ATP6V0D2: variants seen among roughly 807,000 people sequenced by gnomAD.
ATP6V0D2 encodes V-type proton ATPase subunit d 2.
ATP6V0D2 carries 40 observed loss-of-function variants against 40.0 expected under a neutral mutation model. The ratio of observed to expected loss-of-function variants is 1.00; its 90% CI spans 0.78 to 1.30. The LOEUF (loss-of-function observed/expected upper bound fraction) is 1.30, where lower values mean the gene tolerates loss of function less well. ATP6V0D2 is among the 50% of genes most tolerant of loss of function. The pLI is 0.00. For missense variants in ATP6V0D2, 470 were observed against 423.1 expected, an observed-to-expected ratio of 1.11 and a Z score of -0.97; for synonymous variants, 179 against 156.3, an observed-to-expected ratio of 1.15 and a Z score of -1.08.
chr8:86,127,406 C>A (rs1818758992), intron 2 of ATP6V0D2, among the ~76,000 whole-genome samples: 1 of 151,950 alleles, frequency 6.6e-6, no homozygotes, highest in Non-Finnish European at 1.5e-5. Flanking sequence ...ATGAAAGGTG[C>A]CTTTCACACA....
intron 2 of ATP6V0D2, among the ~76,000 whole-genome samples, chr8:86,117,327 G>A (rs1419574703): frequency 6.6e-6 from 1 of 152,098 alleles, no homozygotes; most frequent in Non-Finnish European, 1.5e-5. Flanking sequence ...TGTTACACAT[G>A]TTGCTTCATT....
intron 1 of ATP6V0D2, among the ~76,000 whole-genome samples, chr8:86,110,517 A>G (rs903589497): frequency 6.6e-6 from 1 of 152,230 alleles, no homozygotes; most frequent in Non-Finnish European, 1.5e-5. Context: ...AAGACACAGC[A>G]ACAAAGCTGT....
At chr8:86,107,684 T>G (rs1194631285) in intron 1 of ATP6V0D2, among the ~76,000 whole-genome samples, 2 of 152,186 alleles carry the variant, frequency 1.3e-5, no homozygotes, top group African/African-American at 4.8e-5. Context: ...CCAAAACAAT[T>G]CTTAGGAAAG....
chr8:86,101,891 C>A (rs993911265), intron 1 of ATP6V0D2, among the ~76,000 whole-genome samples: 6 of 152,192 alleles, frequency 3.9e-5, no homozygotes, highest in African/African-American at 1.4e-4. Context: ...ACATTTGAAT[C>A]TGTGTGCCAA....
At chr8:86,134,943 A>G (rs546687222) in intron 2 of ATP6V0D2, among the ~76,000 whole-genome samples, 1 of 149,910 alleles carries the variant, frequency 6.7e-6, no homozygotes, top group East Asian at 2.1e-4. Flanking sequence ...AATGTCACAT[A>G]TTATCTGCTG....
At position 86,108,845 on chromosome 8, in the gene ATP6V0D2, C is replaced by T. The variant is rs540198379; in HGVS notation, c.131-4864C>T. 4.1e-4 allele frequency among the ~76,000 whole-genome samples: 63 copies of T among 152,300 alleles called. No homozygotes were observed. The Middle Eastern group carries it at 0.01, about 25-fold the overall frequency. ...GATAATTCCCTTCATGCAGTGACCA[C>T]AACCCACAGAAAACGCATGTTTATA... On this transcript the variant is annotated intron_variant, in intron 1 of 7. Coordinates refer to ENST00000285393, the MANE Select transcript of ATP6V0D2 (RefSeq NM_152565.1).
Position 86,152,963 on chromosome 8 carries a change from A to G in ATP6V0D2, c.1039A>G (p.Ile347Val). ...GCATCGAACTAAAATCAACAGTTACATTCCAATTTTATAACCCAAGTAAGG... is the reference window on the plus strand; with the variant it reads ...GCATCGAACTAAAATCAACAGTTACGTTCCAATTTTATAACCCAAGTAAGG... ...QRHRTKINSY[I>V]PIL The change falls in exon 8 of 8, where the codon ATT becomes GTT. Residue 347 changes from isoleucine to valine, a missense_variant. Ile to Val is a conservative substitution (Grantham distance 29, BLOSUM62 3). Coordinates refer to ENST00000285393, the MANE Select transcript of ATP6V0D2 (RefSeq NM_152565.1). 1.2e-6 allele frequency: 2 copies of G among 1,601,084 alleles called. No homozygotes were observed. Among genetic ancestry groups the G allele is most frequent in the Non-Finnish European group, 1.7e-6 (2 of 1,175,796 alleles).
At chr8:86,105,892 A>G (rs1233768065) in intron 1 of ATP6V0D2, among the ~76,000 whole-genome samples, 1 of 151,576 alleles carries the variant, frequency 6.6e-6, no homozygotes, top group Non-Finnish European at 1.5e-5. Flanking sequence ...GGGATTATAG[A>G]CGTGAGCCAC....
chr8:86,105,401 C>T (rs901978631), intron 1 of ATP6V0D2, among the ~76,000 whole-genome samples: 1 of 151,894 alleles, frequency 6.6e-6, no homozygotes, highest in Admixed American at 6.6e-5. Context: ...CGGACTTAAG[C>T]GACCCTCCCA....
chr8:86,139,985 A>G (rs1402013718), intron 3 of ATP6V0D2, among the ~76,000 whole-genome samples: 1 of 152,204 alleles, frequency 6.6e-6, no homozygotes, highest in East Asian at 1.9e-4. Flanking sequence ...TCATTCTTCA[A>G]AAAAAATGTA....
intron 2 of ATP6V0D2, among the ~76,000 whole-genome samples, chr8:86,118,078 TTTC>T (rs1479968993): frequency 1.8e-4 from 20 of 108,824 alleles, no homozygotes; most frequent in African/African-American, 7.5e-4. Flanking sequence ...TCCTTCTTTC[TTTC>T]TTTCTTTTTT....
chr8:86,141,115 A>C (rs1818965201), intron 3 of ATP6V0D2, among the ~76,000 whole-genome samples: 1 of 152,158 alleles, frequency 6.6e-6, no homozygotes, highest in South Asian at 2.1e-4. Flanking sequence ...TAATGCAAAC[A>C]GTGGGGAGCA....
chr8:86,128,388 G>T (rs998770647), intron 2 of ATP6V0D2, among the ~76,000 whole-genome samples: 1 of 152,126 alleles, frequency 6.6e-6, no homozygotes, highest in South Asian at 2.1e-4. Flanking sequence ...CAATAAAAGG[G>T]ATGTAGCTCC....
intron 5 of ATP6V0D2, among the ~76,000 whole-genome samples, chr8:86,146,882 T>C (rs1563566805): frequency 6.6e-6 from 1 of 152,160 alleles, no homozygotes; most frequent in Non-Finnish European, 1.5e-5. Context: ...GTTTATAGGT[T>C]CCATGTATAT....
At chr8:86,112,577 C>A (rs1204080826) in intron 1 of ATP6V0D2, among the ~76,000 whole-genome samples, 1 of 152,006 alleles carries the variant, frequency 6.6e-6, no homozygotes, top group East Asian at 1.9e-4. Context: ...CTAATAAGCA[C>A]TCAATCACTG....
intron 5 of ATP6V0D2, among the ~76,000 whole-genome samples, chr8:86,145,143 G>T (rs1193247962): frequency 6.8e-6 from 1 of 147,768 alleles, no homozygotes; most frequent in Admixed American, 6.9e-5. Context: ...TCTCCAGCTG[G>T]GCAACAGAGT....
At chr8:86,151,876 T>C (rs1795251984) in intron 7 of ATP6V0D2, among the ~76,000 whole-genome samples, 2 of 152,084 alleles carry the variant, frequency 1.3e-5, no homozygotes, top group African/African-American at 2.4e-5. Flanking sequence ...ATGCTACAAA[T>C]TTTAGTGTAA....
intron 2 of ATP6V0D2, among the ~76,000 whole-genome samples, chr8:86,123,740 T>C (rs1818703395): frequency 6.6e-6 from 1 of 152,312 alleles, no homozygotes; most frequent in African/African-American, 2.4e-5. Context: ...AGGAAGACCA[T>C]GGTAAATTAG....
chr8:86,138,111 A>G (rs1818922070), intron 2 of ATP6V0D2, among the ~76,000 whole-genome samples: 1 of 152,082 alleles, frequency 6.6e-6, no homozygotes, highest in South Asian at 2.1e-4. Context: ...CCCCAGCTCC[A>G]GTGCTCGGCC....
Sources: gnomAD v4.1 joint callset for allele counts (sites outside exome capture counted in the v4.1 genomes callset) on GRCh38, gnomAD v4.1.1 for gene constraint, MANE v1.5 for transcripts, NCBI Gene and HGNC (gene_info 2026-07-23, HGNC 2026-07-21) for gene names.